RNF126: variants seen among roughly 807,000 people sequenced by gnomAD.
The protein encoded by RNF126 is E3 ubiquitin-protein ligase RNF126.
In RNF126, 20 loss-of-function variants were observed where a neutral mutation model predicts 41.9. The observed-to-expected ratio is 0.48, with a 90% CI of 0.34 to 0.69. RNF126 has a LOEUF of 0.69. Among genes scored for constraint, RNF126 ranks in the 30% least tolerant of loss-of-function variants. The pLI is 0.01. For synonymous variants in RNF126, 239 were observed against 202.9 expected (o/e 1.18, Z -1.51); for missense variants, 433 against 460.6 (o/e 0.94, Z 0.55).
intron 3 of RNF126, 32 bp from the exon 4 acceptor site, chr19:651,887 G>A (rs976098937): frequency 5.7e-6 from 9 of 1,586,038 alleles, no homozygotes; most frequent in African/African-American, 1.3e-5. Flanking sequence ...GACCTCGGGG[G>A]CTCAGGCCCG....
In RNF126 at chr19:647,996, G is replaced by T; in HGVS notation, c.*132C>A. The T allele has an allele frequency of 8.7e-7, 1 of 1,149,036 alleles. No homozygotes were observed. Among genetic ancestry groups the T allele is most frequent in the Non-Finnish European group, 1.2e-6 (1 of 837,966 alleles). 71.2% of individuals were successfully genotyped at this position (1,149,036 alleles called of 1,614,324 possible). On this transcript the variant is annotated 3_prime_UTR_variant, in exon 9 of 9. Coordinates refer to ENST00000292363, the MANE Select transcript of RNF126 (RefSeq NM_194460.3). ...GTGGGCCGGGCCCGGGTCCTGCCCTGGAACAGGCGGGACCTGCAGCGCTGA... is the reference window on the plus strand; with the variant it reads ...GTGGGCCGGGCCCGGGTCCTGCCCTTGAACAGGCGGGACCTGCAGCGCTGA...
chr19:649,396 A>AG (rs2030160140), intron 6 of RNF126: 1 of 471,374 alleles, frequency 2.1e-6, no homozygotes, highest in African/African-American at 2.0e-5. Flanking sequence ...TCTCGGGAAG[A>AG]GGGACCGCGT....
rs569152546 is a variant in RNF126, at chr19:663,138, T to A, written c.-17A>T. 284 of 1,191,230 alleles carry A rather than the reference T, an allele frequency of 2.4e-4. No homozygotes were observed. Among genetic ancestry groups the A allele is most frequent in the Non-Finnish European group, 2.8e-4 (263 of 955,766 alleles). 73.8% of individuals were successfully genotyped at this position (1,191,230 alleles called of 1,614,324 possible). A position where few individuals can be genotyped will look rare whatever the true frequency, so the allele number is the denominator to read the frequency against. ...CTCGGCCATGGCCGCCGCCACCTAC[T>A]CCGCGCCGCCCGCCCCCCGCGCGGC... On this transcript the variant is annotated 5_prime_UTR_variant, in exon 1 of 9. Coordinates refer to ENST00000292363, the MANE Select transcript of RNF126 (RefSeq NM_194460.3).
intron 4 of RNF126, among the ~76,000 whole-genome samples, chr19:650,881 C>G (rs974071250): frequency 6.6e-6 from 1 of 152,114 alleles, no homozygotes; most frequent in Non-Finnish European, 1.5e-5. Context: ...TGTGAGCCAC[C>G]TCACCCAGCC....
In RNF126 at chr19:648,352, CGGGT is replaced by C; in HGVS notation, c.786+16_786+19del. The stretch of plus-strand genomic sequence containing the variant: ...GAGGGCCGCGGTCGGGGTGGGGGGG[CGGGT>C]GGGCGGGGCACTCACCTGCTCCAGC... On this transcript the variant is annotated intron_variant, in intron 8 of 8. Transcript: ENST00000292363. The C allele has an allele frequency of 1.9e-6, 2 of 1,025,962 alleles. No homozygotes were observed. The highest frequency in any genetic ancestry group is 2.4e-6 in the Non-Finnish European group (2 of 821,732). 63.6% of individuals were successfully genotyped at this position (1,025,962 alleles called of 1,614,324 possible).
intron 3 of RNF126, 46 bp downstream of exon 3, chr19:652,187 G>A (rs372270839): frequency 2.2e-4 from 314 of 1,433,852 alleles, no homozygotes; most frequent in Non-Finnish European, 2.8e-4. Context: ...TCGGGGCCCC[G>A]AGCAAGGCTG....
At position 651,694 on chromosome 19, in the gene RNF126, G is replaced by A; in HGVS notation, c.360C>T (p.His120=). Residue 120 remains histidine, a synonymous_variant, in exon 4 of 9, where the codon CAC becomes CAT. Coordinates refer to ENST00000292363, the MANE Select transcript of RNF126 (RefSeq NM_194460.3). ...CGCGGGGCTGTCGGGCGCCGTACCGGTGCCGGGACGGATGGTCTCTCTCCC... is the reference window on the plus strand; with the variant it reads ...CGCGGGGCTGTCGGGCGCCGTACCGATGCCGGGACGGATGGTCTCTCTCCC... The part of the protein sequence containing the change: ...SRRERDHPSR[H]RYGARQPRAR... 6.3e-7 allele frequency: 1 copy of A among 1,598,612 alleles called. No individual in the cohort carries two copies. Among genetic ancestry groups the A allele is most frequent in the Non-Finnish European group, 8.5e-7 (1 of 1,173,724 alleles).
At chr19:648,595 G>C in intron 7 of RNF126, 108 bp from the exon 8 acceptor site, 1 of 894,720 alleles carries the variant, frequency 1.1e-6, no homozygotes. Flanking sequence ...AGCCCAGCGA[G>C]GGGAGAAAAG....
At chr19:653,250 A>AT (rs1230817388) in intron 1 of RNF126, among the ~76,000 whole-genome samples, 1 of 152,072 alleles carries the variant, frequency 6.6e-6, no homozygotes, top group Admixed American at 6.5e-5. Flanking sequence ...GGGTGCCCCA[A>AT]TACCCCACAG....
chr19:657,654 A>G (rs1026909330), intron 1 of RNF126, among the ~76,000 whole-genome samples: 6 of 152,168 alleles, frequency 3.9e-5, no homozygotes, highest in African/African-American at 1.4e-4. Flanking sequence ...ACACTCACTC[A>G]TATCTGAAAT....
intron 1 of RNF126, among the ~76,000 whole-genome samples, chr19:660,365 C>G (rs897823727): frequency 1.3e-5 from 2 of 152,248 alleles, no homozygotes; most frequent in Non-Finnish European, 2.9e-5. Context: ...AACGGCCCAG[C>G]TGCCTGGGAG....
rs773443079 is a variant in RNF126 at position 651,835 on chromosome 19, G to A, written c.219C>T (p.Phe73=). The A allele has an allele frequency of 1.2e-6, 2 of 1,611,216 alleles. No homozygotes were observed. The highest frequency in any genetic ancestry group is 1.7e-6 in the Non-Finnish European group (2 of 1,179,304). Residue 73 remains phenylalanine (F), a synonymous_variant, in exon 4 of 9, where the codon TTC becomes TTT. Transcript: ENST00000292363. ...ACTGTCCGTAGCCCTGCGGCAGCGT[G>A]AACAGGTGCTGGTCCACGTGCTGGG... ...PPLEHVDQHL[F]TLPQGYGQFA... is the part of the protein sequence containing the mutation.
chr19:661,836 G>A (rs2030816925), intron 1 of RNF126, among the ~76,000 whole-genome samples: 1 of 152,156 alleles, frequency 6.6e-6, no homozygotes, highest in African/African-American at 2.4e-5. Flanking sequence ...GCACAGGGTG[G>A]GGAGTCCAGA....
At chr19:662,915 C>A (rs963515794) in intron 1 of RNF126, 132 bp downstream of exon 1, 3 of 353,758 alleles carry the variant, frequency 8.5e-6, no homozygotes, top group Non-Finnish European at 1.5e-5. Flanking sequence ...CCGGCGCTGC[C>A]CCGAGCCTCA....
rs1022515325 is a variant in RNF126 at position 659,357 on chromosome 19, C to T, written c.75+3690G>A. On this transcript the variant is annotated intron_variant, in intron 1 of 8. Coordinates refer to ENST00000292363, the MANE Select transcript of RNF126 (RefSeq NM_194460.3). The surrounding 1 kb of genome is among the most constrained non-coding windows in gnomAD (Gnocchi z 4.9). ...CTTCCTGGTGGCTCCCCGCCCACGC[C>T]GGCTCTTCCCCGCCACCGTGGGCGG... 9.9e-5 allele frequency among the ~76,000 whole-genome samples: 15 copies of T among 152,260 alleles called. No homozygotes were observed. Among genetic ancestry groups the T allele is most frequent in the Non-Finnish European group, 1.9e-4 (13 of 68,010 alleles).
At position 652,129 on chromosome 19, in the gene RNF126, C is replaced by T. The variant is rs142270932; in HGVS notation, c.198+104G>A. Reference sequence around the variant, plus strand: ...CCCTGGAGGGAAAAATTTCCTCCGCCGTGCGGGCAGGGAGAGCCGGGGAGG... The same window carrying T: ...CCCTGGAGGGAAAAATTTCCTCCGCTGTGCGGGCAGGGAGAGCCGGGGAGG... On this transcript the variant is annotated intron_variant, in intron 3 of 8. Coordinates refer to ENST00000292363, the MANE Select transcript of RNF126 (RefSeq NM_194460.3). The T allele has an allele frequency of 2.2e-3, 2,273 of 1,015,374 alleles. 9 individuals carry two copies. Among genetic ancestry groups the T allele is most frequent in the Admixed American group, 4.1e-3 (121 of 29,170 alleles). 62.9% of individuals were successfully genotyped at this position (1,015,374 alleles called of 1,614,324 possible).
chr19:652,182 G>T (rs566996381), intron 3 of RNF126, 51 bp downstream of exon 3: 2 of 1,425,864 alleles, frequency 1.4e-6, no homozygotes, highest in East Asian at 2.7e-5. Context: ...GGCGCTCGGG[G>T]CCCCGAGCAA....
chr19:652,363 C>A lies in RNF126; in HGVS notation c.135-67G>T, dbSNP rs2030351928. 3 of 1,325,032 alleles carry A rather than the reference C, an allele frequency of 2.3e-6. No individual in the cohort carries two copies. In the East Asian group the frequency reaches 7.7e-5, roughly 34 times the overall value. The allele number at this position is 1,325,032 out of a possible 1,614,324, so 82.1% of individuals were successfully genotyped here. ...CCCCCATGCGCCAGGCGCTCCCTCC[C>A]CTCAAAAGCCTATGTTGGGAGAGCA... On this transcript the variant is annotated intron_variant, in intron 2 of 8. Coordinates refer to ENST00000292363, the MANE Select transcript of RNF126 (RefSeq NM_194460.3).
intron 1 of RNF126, among the ~76,000 whole-genome samples, chr19:657,920 C>A (rs962743067): frequency 8.5e-5 from 13 of 152,118 alleles, no homozygotes; most frequent in Non-Finnish European, 1.8e-4. Context: ...AGCCAAGAGA[C>A]CGCTTGGTCT....
Sources: allele counts gnomAD v4.1 joint callset (sites outside exome capture counted in the v4.1 genomes callset), GRCh38; gene constraint gnomAD v4.1.1; non-coding constraint Gnocchi (gnomAD v3.1); transcripts MANE v1.5; gene names NCBI Gene and HGNC (gene_info 2026-07-23, HGNC 2026-07-21).